TDRP: variants seen among roughly 807,000 people sequenced by gnomAD.
TDRP encodes the protein testis development-related protein.
TDRP carries 12 observed loss-of-function variants against 10.5 expected under a neutral mutation model. The observed-to-expected ratio is 1.15, with a 90% CI of 0.73 to 1.86. The LOEUF (loss-of-function observed/expected upper bound fraction) is 1.86. TDRP is among the 40% of genes most tolerant of loss of function. TDRP has a pLI of 0.00. For missense variants in TDRP, 353 were observed against 229.2 expected (o/e 1.54, Z -3.49); for synonymous variants, 139 against 95.4 (o/e 1.46, Z -2.67).
intron 1 of TDRP, among the ~76,000 whole-genome samples, chr8:501,130 GA>G (rs1236676337): frequency 8.6e-5 from 13 of 151,762 alleles, no homozygotes; most frequent in East Asian, 2.0e-4. Context: ...GCGTGAACCC[GA>G]GGAGGTGGAG....
At chr8:529,247 TA>T (rs1450362730) in intron 1 of TDRP, among the ~76,000 whole-genome samples, 5 of 152,148 alleles carry the variant, frequency 3.3e-5, no homozygotes, top group Non-Finnish European at 7.3e-5. Flanking sequence ...CACTCAGTAT[TA>T]ACCATCACAT....
intron 1 of TDRP, among the ~76,000 whole-genome samples, chr8:517,312 G>T (rs1348289779): frequency 6.6e-6 from 1 of 152,128 alleles, no homozygotes; most frequent in Non-Finnish European, 1.5e-5. Context: ...GCTGTCTCTT[G>T]TGGGGAGAAT....
intron 1 of TDRP, among the ~76,000 whole-genome samples, chr8:508,688 C>T (rs1801532029): frequency 1.3e-5 from 2 of 152,152 alleles, no homozygotes; most frequent in Admixed American, 6.5e-5. Context: ...CACAGCCAAA[C>T]CGTATCATTC....
intron 1 of TDRP, among the ~76,000 whole-genome samples, chr8:533,761 G>T (rs750427857): frequency 1.3e-5 from 2 of 151,840 alleles, no homozygotes; most frequent in Non-Finnish European, 2.9e-5. Context: ...CCCCTCCCCC[G>T]ATCACGAAGA....
chr8:497,491 T>C (rs918400207), intron 1 of TDRP, among the ~76,000 whole-genome samples: 1 of 152,162 alleles, frequency 6.6e-6, no homozygotes, highest in Non-Finnish European at 1.5e-5. Context: ...CCTAACAGCA[T>C]ACAGTCATAT....
At chr8:496,455 C>A (rs1049661395) in intron 1 of TDRP, among the ~76,000 whole-genome samples, 3 of 152,194 alleles carry the variant, frequency 2.0e-5, no homozygotes, top group Non-Finnish European at 4.4e-5. Context: ...GAGCAATGCC[C>A]CATGAGACAG....
At chr8:530,634 A>G (rs1435250077) in intron 1 of TDRP, among the ~76,000 whole-genome samples, 8 of 152,168 alleles carry the variant, frequency 5.3e-5, no homozygotes, top group African/African-American at 1.9e-4. Context: ...AGTTGCTTGT[A>G]ATCTCTCGAT....
At chr8:510,084 T>C (rs1801572969) in intron 1 of TDRP, among the ~76,000 whole-genome samples, 1 of 152,142 alleles carries the variant, frequency 6.6e-6, no homozygotes, top group South Asian at 2.1e-4. Context: ...AATCAGGGTG[T>C]GTCATTCACC....
chr8:540,025 A>G (rs1010393143), intron 1 of TDRP, among the ~76,000 whole-genome samples: 1 of 152,236 alleles, frequency 6.6e-6, no homozygotes, highest in Admixed American at 6.5e-5. Flanking sequence ...AGTTAAGCCT[A>G]GCCAAATCCC....
At position 491,972 on chromosome 8, in the gene TDRP, TTCTAGCAAAAGAAAAGA is replaced by T; in HGVS notation, c.*410_*426del. On this transcript the variant is annotated 3_prime_UTR_variant, in exon 3 of 3. Transcript: ENST00000324079. ...GATTCATCTTACCTCCTGACTAATT[TTCTAGCAAAAGAAAAGA>T]ACTGCATGACAGCTGCATTTATACG... is the stretch of plus-strand genomic sequence containing the variant. 2.7e-6 allele frequency: 3 copies of T among 1,116,688 alleles called. No homozygotes were observed. The highest frequency in any genetic ancestry group is 1.1e-6 in the Non-Finnish European group (1 of 916,084). The allele number at this position is 1,116,688 out of a possible 1,614,324, so 69.2% of individuals were successfully genotyped here. A position where few individuals can be genotyped will look rare whatever the true frequency, so the allele number is the denominator to read the frequency against.
At chr8:502,229 C>G (rs1320619908) in intron 1 of TDRP, among the ~76,000 whole-genome samples, 1 of 152,234 alleles carries the variant, frequency 6.6e-6, no homozygotes, top group Non-Finnish European at 1.5e-5. Flanking sequence ...TCACAGTGAA[C>G]TTATCTTTAA....
At chr8:524,557 T>A (rs1282245623) in intron 1 of TDRP, among the ~76,000 whole-genome samples, 3 of 152,176 alleles carry the variant, frequency 2.0e-5, no homozygotes, top group Non-Finnish European at 2.9e-5. Context: ...GAATTCAGAA[T>A]CCTATCAGAT....
chr8:493,408 G>C (rs1563114666), intron 2 of TDRP, among the ~76,000 whole-genome samples: 1 of 152,238 alleles, frequency 6.6e-6, no homozygotes, highest in Non-Finnish European at 1.5e-5. Flanking sequence ...ATCCTCTACA[G>C]ATGAAGGATG....
chr8:506,482 G>C (rs142562726), intron 1 of TDRP, among the ~76,000 whole-genome samples: 64 of 152,290 alleles, frequency 4.2e-4, no homozygotes, highest in African/African-American at 1.4e-3. Flanking sequence ...GCAGCTGAAT[G>C]CTACACAGAG....
intron 1 of TDRP, among the ~76,000 whole-genome samples, chr8:518,993 T>C (rs969787702): frequency 6.6e-6 from 1 of 152,168 alleles, no homozygotes; most frequent in Non-Finnish European, 1.5e-5. Context: ...GGATGGAGTC[T>C]GTCACCAGAA....
intron 1 of TDRP, among the ~76,000 whole-genome samples, chr8:516,731 G>A (rs187015310): frequency 1.4e-4 from 22 of 152,220 alleles, no homozygotes; most frequent in East Asian, 3.9e-4. Context: ...CATGCAAGCC[G>A]GCAATCACGG....
upstream of TDRP, chr8:545,616 C>T (rs978275662): frequency 6.6e-6 from 1 of 152,184 alleles, no homozygotes; most frequent in South Asian, 2.1e-4. Context: ...GCCTGTACCC[C>T]AGCGCTTCAG....
At chr8:510,884 G>T (rs192772411) in intron 1 of TDRP, among the ~76,000 whole-genome samples, 1 of 152,142 alleles carries the variant, frequency 6.6e-6, no homozygotes, top group Non-Finnish European at 1.5e-5. Flanking sequence ...AAAAGCAATT[G>T]CATAGAATAG....
At chr8:499,237 T>A (rs1801220591) in intron 1 of TDRP, among the ~76,000 whole-genome samples, 1 of 152,190 alleles carries the variant, frequency 6.6e-6, no homozygotes, top group Admixed American at 6.5e-5. Context: ...TTTGTTTTGT[T>A]TTGTTTTGTT....
Sources: gnomAD v4.1 joint callset for allele counts (sites outside exome capture counted in the v4.1 genomes callset) on GRCh38, gnomAD v4.1.1 for gene constraint, MANE v1.5 for transcripts, NCBI Gene and HGNC (gene_info 2026-07-23, HGNC 2026-07-21) for gene names.